Variants in PCDHGC4 observed in about 807,000 individuals in gnomAD.
PCDHGC4 encodes the protein protocadherin gamma subfamily C, 4.
In PCDHGC4, 15 loss-of-function variants were observed where a neutral mutation model predicts 59.7. That is an observed-to-expected ratio of 0.25 (90% CI 0.17 to 0.39). The LOEUF (loss-of-function observed/expected upper bound fraction) is 0.39. Ranked by LOEUF, PCDHGC4 falls within the 10% of genes least tolerant of loss-of-function variation. The pLI is 1.00. For synonymous variants in PCDHGC4, 434 were observed against 481.4 expected (o/e 0.90, Z 1.29); for missense variants, 1,016 against 1,189.5 (o/e 0.85, Z 2.15).
chr5:141,509,155 C>G (rs981661695), intron 3 of PCDHGC4, among the ~76,000 whole-genome samples: 3 of 152,202 alleles, frequency 2.0e-5, no homozygotes, highest in Non-Finnish European at 4.4e-5. Flanking sequence ...GCTCTCCCCT[C>G]CCGTGTGCCC....
chr5:141,510,986 G>A lies in PCDHGC4; in HGVS notation c.2630G>A (p.Gly877Asp), dbSNP rs754203270. The A allele has an allele frequency of 6.2e-7, 1 of 1,614,166 alleles. No individual in the cohort carries two copies. The highest frequency in any genetic ancestry group is 8.5e-7 in the Non-Finnish European group (1 of 1,180,012). The change falls in exon 4 of 4, where the codon GGC becomes GAC. Residue 877 changes from glycine to aspartate, a missense_variant. Physicochemically the swap from Gly to Asp is moderately conservative, Grantham distance 94. Transcript: ENST00000306593. ...DGSSTLGGGA[G>D]TMGLSARYGP... ...AGCTCCACCCTGGGAGGGGGTGCCG[G>A]CACCATGGGATTGAGCGCCCGCTAC... is the stretch of plus-strand genomic sequence containing the variant.
chr5:141,487,293 C>T lies in PCDHGC4; in HGVS notation c.2120C>T (p.Ser707Leu). ...GCAATTTGCTTTGTCTCCTTTGGCT[C>T]ATTCGTGGCACTACTCTCTAAGTGT... is the stretch of plus-strand genomic sequence containing the variant. ...LVAICFVSFG[S>L]FVALLSKCLR... Residue 707 changes from serine to leucine, a missense_variant, in exon 1 of 4, where the codon TCA becomes TTA. Ser to Leu is a moderately radical substitution (Grantham distance 145). Transcript: ENST00000306593. The surrounding 1 kb of genome is among the most constrained non-coding windows in gnomAD (Gnocchi z 5.0). 1 of 1,614,148 alleles carries T rather than the reference C, an allele frequency of 6.2e-7. No individual in the cohort carries two copies. Among genetic ancestry groups the T allele is most frequent in the Non-Finnish European group, 8.5e-7 (1 of 1,180,010 alleles).
At chr5:141,495,164 C>T (rs1326419591) in intron 2 of PCDHGC4, among the ~76,000 whole-genome samples, 4 of 152,198 alleles carry the variant, frequency 2.6e-5, no homozygotes, top group Admixed American at 1.3e-4. Context: ...AAGCTGGTCT[C>T]TGGGTGAAAG....
chr5:141,492,122 C>G (rs2154587050), intron 1 of PCDHGC4, among the ~76,000 whole-genome samples: 1 of 152,328 alleles, frequency 6.6e-6, no homozygotes, highest in Admixed American at 6.5e-5. Context: ...GATTTCTCCC[C>G]AGCTCCCAGC....
At position 141,487,946 on chromosome 5, in the gene PCDHGC4, C is replaced by G. The variant is rs187890859; in HGVS notation, c.2442+331C>G. 7.9e-5 allele frequency among the ~76,000 whole-genome samples: 12 copies of G among 152,298 alleles called. No homozygotes were observed. The highest frequency in any genetic ancestry group is 7.8e-4 in the Admixed American group (12 of 15,304). Reference sequence around the variant, plus strand: ...AGTGCACAGGGTACAGTGCACCAGGCAGTCACTTGGACAAAGGTGGCTGTT... The same window carrying G: ...AGTGCACAGGGTACAGTGCACCAGGGAGTCACTTGGACAAAGGTGGCTGTT... On this transcript the variant is annotated intron_variant, in intron 1 of 3. Transcript: ENST00000306593. The surrounding 1 kb of genome is among the most constrained non-coding windows in gnomAD (Gnocchi z 5.0).
chr5:141,509,864 A>G (rs2099878667), intron 3 of PCDHGC4, among the ~76,000 whole-genome samples: 1 of 152,262 alleles, frequency 6.6e-6, no homozygotes, highest in East Asian at 1.9e-4. Context: ...GATAAGGTCC[A>G]AGCTGCTGGT....
chr5:141,510,398 G>A (rs2099880972), intron 3 of PCDHGC4, among the ~76,000 whole-genome samples: 1 of 152,064 alleles, frequency 6.6e-6, no homozygotes, highest in African/African-American at 2.4e-5. Flanking sequence ...CTTGGCAAAG[G>A]CTAGGGGCAT....
In PCDHGC4 at chr5:141,505,496, T is replaced by C; in HGVS notation, c.2590+15T>C. 6.2e-7 allele frequency: 1 copy of C among 1,614,148 alleles called. No homozygotes were observed. The highest frequency in any genetic ancestry group is 8.5e-7 in the Non-Finnish European group (1 of 1,180,004). ...GTCCGCCAGTGGTAAGTGGTGTCAGTGTGTGTATGGAAGAGTGGGAGACCT... is the reference window on the plus strand; with the variant it reads ...GTCCGCCAGTGGTAAGTGGTGTCAGCGTGTGTATGGAAGAGTGGGAGACCT... On this transcript the variant is annotated intron_variant, in intron 3 of 3. Transcript: ENST00000306593.
Position 141,511,103 on chromosome 5 carries a change from A to G in PCDHGC4, c.2747A>G (p.Lys916Arg), listed in dbSNP as rs779731716. The G allele has an allele frequency of 6.2e-7, 1 of 1,614,214 alleles. No individual in the cohort carries two copies. The highest frequency in any genetic ancestry group is 8.5e-7 in the Non-Finnish European group (1 of 1,180,026). The change falls in exon 4 of 4, where the codon AAG becomes AGG. Residue 916 changes from lysine to arginine, a missense_variant. By Grantham distance (26) the Lys-to-Arg change is conservative. Coordinates refer to ENST00000306593, the MANE Select transcript of PCDHGC4 (RefSeq NM_018928.3). ...SNATLTNAAGKRDGKAPAGGN... is the reference protein window; with the variant it reads ...SNATLTNAAGRRDGKAPAGGN... ...GCCACACTGACCAACGCAGCTGGCA[A>G]GCGGGATGGCAAGGCCCCAGCAGGT...
In PCDHGC4 at chr5:141,487,747, CTA is replaced by C. The variant is rs2099663990; in HGVS notation, c.2442+134_2442+135del. 1 of 1,558,062 alleles carries C rather than the reference CTA, an allele frequency of 6.4e-7. No individual in the cohort carries two copies. The highest frequency in any genetic ancestry group is 2.4e-5 in the East Asian group (1 of 41,708). On this transcript the variant is annotated intron_variant, in intron 1 of 3. Coordinates refer to ENST00000306593, the MANE Select transcript of PCDHGC4 (RefSeq NM_018928.3). This position sits in a 1 kb window ranked among gnomAD's most constrained non-coding sequence, Gnocchi z 5.0. ...ATGTCACCATTTTTGTAAGAGGTAA[CTA>C]TGTGGTAGACGCTGTGCTTTGTAAC... is the stretch of plus-strand genomic sequence containing the variant.
chr5:141,509,298 C>A (rs974744333), intron 3 of PCDHGC4, among the ~76,000 whole-genome samples: 1 of 152,180 alleles, frequency 6.6e-6, no homozygotes, highest in Non-Finnish European at 1.5e-5. Flanking sequence ...AGGGTGGAGG[C>A]AGAGGGAGGC....
chr5:141,486,029 C>G lies in PCDHGC4; in HGVS notation c.856C>G (p.Pro286Ala). Reference sequence around the variant, plus strand: ...CACCTTTTATTTCAGTGGTCATACCCCTGATCGTGTAAGAAACCTCTTTAG... The same window carrying G: ...CACCTTTTATTTCAGTGGTCATACCGCTGATCGTGTAAGAAACCTCTTTAG... Reference protein sequence around the residue: ...NVTFYFSGHTPDRVRNLFSLH... With the variant: ...NVTFYFSGHTADRVRNLFSLH... The change falls in exon 1 of 4, where the codon CCT becomes GCT. Residue 286 changes from proline to alanine, a missense_variant. Transcript: ENST00000306593. The surrounding 1 kb of genome is among the most constrained non-coding windows in gnomAD (Gnocchi z 5.0). 6.2e-7 allele frequency: 1 copy of G among 1,614,016 alleles called. No homozygotes were observed. Among genetic ancestry groups the G allele is most frequent in the Non-Finnish European group, 8.5e-7 (1 of 1,179,900 alleles).
intron 2 of PCDHGC4, 47 bp from the exon 3 acceptor site, chr5:141,505,346 C>G: frequency 4.3e-6 from 7 of 1,612,970 alleles, no homozygotes; most frequent in Non-Finnish European, 5.9e-6. Context: ...GGGGCATGAG[C>G]TGTGCCGGCC....
intron 3 of PCDHGC4, chr5:141,507,089 C>T (rs564539147): frequency 2.0e-5 from 3 of 152,298 alleles, no homozygotes; most frequent in Admixed American, 1.3e-4. Context: ...TAAGTTTATG[C>T]TCTTTCTACT....
rs1186225096 is a variant in PCDHGC4, at chr5:141,490,605, C to G, written c.2442+2990C>G. The G allele has an allele frequency of 1.1e-5, 18 of 1,614,198 alleles. No homozygotes were observed. Among genetic ancestry groups the G allele is most frequent in the Non-Finnish European group, 1.5e-5 (18 of 1,180,030 alleles). On this transcript the variant is annotated intron_variant, in intron 1 of 3. Transcript: ENST00000306593. The surrounding 1 kb of genome is among the most constrained non-coding windows in gnomAD (Gnocchi z 5.4). ...TCAATGACAATGCACCCCGCTTCAACCAGCAGCTTTACACTGCTTACATCC... is the reference window on the plus strand; with the variant it reads ...TCAATGACAATGCACCCCGCTTCAAGCAGCAGCTTTACACTGCTTACATCC...
chr5:141,501,292 C>CACAT (rs200296563), intron 2 of PCDHGC4, among the ~76,000 whole-genome samples: 14,029 of 50,334 alleles, frequency 0.28, 723 homozygotes, highest in Admixed American at 0.4. Flanking sequence ...TTCCCTTATA[C>CACAT]ACACACACAC....
At chr5:141,500,809 A>G (rs1018522111) in intron 2 of PCDHGC4, among the ~76,000 whole-genome samples, 1 of 152,324 alleles carries the variant, frequency 6.6e-6, no homozygotes, top group African/African-American at 2.4e-5. Context: ...CCTCATATGA[A>G]TATACATATT....
intron 3 of PCDHGC4, among the ~76,000 whole-genome samples, chr5:141,510,378 C>A (rs919650449): frequency 6.6e-6 from 1 of 151,786 alleles, no homozygotes; most frequent in East Asian, 2.0e-4. Flanking sequence ...TCTACTCGTG[C>A]CAGGCCTTGC....
In PCDHGC4 at chr5:141,487,153, T is replaced by C; in HGVS notation, c.1980T>C (p.Thr660=). ...SGSPPLSTSV[T]LLVSLEEDTH... The stretch of plus-strand genomic sequence containing the variant: ...GTCCACCACTCTCTACCTCTGTTAC[T>C]CTCTTAGTGTCCTTAGAGGAAGACA... Residue 660 remains threonine (T), a synonymous_variant, in exon 1 of 4, where the codon ACT becomes ACC. Coordinates refer to ENST00000306593, the MANE Select transcript of PCDHGC4 (RefSeq NM_018928.3). This position sits in a 1 kb window ranked among gnomAD's most constrained non-coding sequence, Gnocchi z 5.0. 3 of 1,613,954 alleles carry C rather than the reference T, an allele frequency of 1.9e-6. No individual in the cohort carries two copies. Among genetic ancestry groups the C allele is most frequent in the Non-Finnish European group, 2.5e-6 (3 of 1,179,838 alleles).
Sources: gnomAD v4.1 joint callset for allele counts (sites outside exome capture counted in the v4.1 genomes callset) on GRCh38, gnomAD v4.1.1 for gene constraint, Gnocchi (gnomAD v3.1) non-coding constraint, MANE v1.5 for transcripts, NCBI Gene and HGNC (gene_info 2026-07-23, HGNC 2026-07-21) for gene names.